LUC7L: variants seen among roughly 807,000 people sequenced by gnomAD.
LUC7L encodes the protein LUC7 like, also known as putative RNA-binding protein Luc7-like 1.
A neutral mutation model predicts 51.1 loss-of-function variants in LUC7L; 29 were observed. That is an observed-to-expected ratio of 0.57 (90% CI 0.42 to 0.77). The LOEUF is 0.77. Among genes scored for constraint, LUC7L ranks in the 30% least tolerant of loss-of-function variants. The pLI is 0.00. For missense variants in LUC7L, 403 were observed against 511.9 expected, an observed-to-expected ratio of 0.79 and a Z score of 2.05; for synonymous variants, 181 against 180.7, an observed-to-expected ratio of 1.00 and a Z score of -0.01.
At chr16:222,605 C>T (rs143622286) in intron 2 of LUC7L, among the ~76,000 whole-genome samples, 201 of 151,612 alleles carry the variant, frequency 1.3e-3, no homozygotes, top group African/African-American at 4.6e-3. Flanking sequence ...AGCCACTGCA[C>T]TCCAGTCTGA....
chr16:190,801 A>T, intron 7 of LUC7L: 1 of 529,624 alleles, frequency 1.9e-6, no homozygotes, highest in Admixed American at 3.3e-5. Context: ...AATCACTTTA[A>T]CCTAGGAGGC....
intron 3 of LUC7L, chr16:208,558 C>A: frequency 1.1e-6 from 1 of 942,808 alleles, no homozygotes; most frequent in South Asian, 3.2e-5. Flanking sequence ...GTGCTGGAGG[C>A]CCTCTTCTGG....
Position 189,354 on chromosome 16 carries a change from C to G in LUC7L, c.975-15G>C. On this transcript the variant is annotated splice_polypyrimidine_tract_variant and intron_variant, in intron 9 of 9. Transcript: ENST00000293872. ...CTCTGGAGAACCTGGGAAATGGGAA[C>G]CAGAGGCTCAGTGGAGGCTGCTGCC... 6.2e-7 allele frequency: 1 copy of G among 1,601,832 alleles called. No homozygotes were observed. Among genetic ancestry groups the G allele is most frequent in the Non-Finnish European group, 8.5e-7 (1 of 1,175,044 alleles).
chr16:197,218 T>TC (rs1201318004), intron 6 of LUC7L, among the ~76,000 whole-genome samples: 1 of 142,724 alleles, frequency 7.0e-6, no homozygotes, highest in East Asian at 2.0e-4. Flanking sequence ...TTTTTTTTTT[T>TC]TTTTTTTTTT....
intron 5 of LUC7L, among the ~76,000 whole-genome samples, chr16:204,771 A>T (rs565325218): frequency 2.0e-5 from 3 of 152,274 alleles, no homozygotes; most frequent in African/African-American, 7.2e-5. Flanking sequence ...CAAGCAACTC[A>T]ACTTTTTCTT....
Position 193,105 on chromosome 16 carries a change from G to A in LUC7L, c.688-90C>T. On this transcript the variant is annotated intron_variant, in intron 6 of 9. Transcript: ENST00000293872. ...AACAAATCACCTTTATATGAGCTCA[G>A]TATTGGTAATTTAAAAATTGAAGGG... 9 of 985,192 alleles carry A rather than the reference G, an allele frequency of 9.1e-6. No individual in the cohort carries two copies. The South Asian group carries it at 1.2e-4, about 13-fold the overall frequency. 61.0% of individuals were successfully genotyped at this position (985,192 alleles called of 1,614,324 possible). A position where few individuals can be genotyped will look rare whatever the true frequency, so the allele number is the denominator to read the frequency against.
Position 196,434 on chromosome 16 carries a change from AAC to A in LUC7L, c.687+2626_687+2627del, listed in dbSNP as rs1567174465. Among the ~76,000 whole-genome samples the A allele has an allele frequency of 6.8e-3, 1,037 of 152,074 alleles. 19 individuals are homozygous for A. Among genetic ancestry groups the A allele is most frequent in the African/African-American group, 0.023 (965 of 41,486 alleles). On this transcript the variant is annotated intron_variant, in intron 6 of 9. Transcript: ENST00000293872. Reference sequence around the variant, plus strand: ...AACAAACAAACAAACAAACAAAAAAAACCCAACAACTACAGTAGGACAAAATT... The same window carrying A: ...AACAAACAAACAAACAAACAAAAAAACCAACAACTACAGTAGGACAAAATT...
intron 6 of LUC7L, among the ~76,000 whole-genome samples, chr16:198,504 A>G (rs1192212930): frequency 6.6e-6 from 1 of 152,106 alleles, no homozygotes; most frequent in African/African-American, 2.4e-5. Context: ...TTTCAGAGAT[A>G]CACAACGAGC....
At chr16:198,232 T>C (rs1274598964) in intron 6 of LUC7L, among the ~76,000 whole-genome samples, 3 of 128,932 alleles carry the variant, frequency 2.3e-5, no homozygotes, top group African/African-American at 3.1e-5. Flanking sequence ...TAAGCCGAGA[T>C]TGGGCCACTG....
At chr16:220,917 TTTA>T (rs1446685263) in intron 2 of LUC7L, among the ~76,000 whole-genome samples, 170 bp from the exon 3 acceptor site, 2 of 152,216 alleles carry the variant, frequency 1.3e-5, no homozygotes, top group Non-Finnish European at 2.9e-5. Flanking sequence ...TCATTTCACT[TTTA>T]CCATCGTGAC....
intron 3 of LUC7L, among the ~76,000 whole-genome samples, chr16:214,540 T>C (rs1377840783): frequency 2.0e-5 from 3 of 152,180 alleles, no homozygotes; most frequent in African/African-American, 7.2e-5. Flanking sequence ...TTCATTCATT[T>C]ATCTGAGACA....
At chr16:193,954 G>A (rs550883215) in intron 6 of LUC7L, among the ~76,000 whole-genome samples, 176 of 151,786 alleles carry the variant, frequency 1.2e-3, no homozygotes, top group Non-Finnish European at 2.1e-3. Context: ...CAGGCGCCCG[G>A]CACTGCGCCC....
At chr16:228,517 T>A (rs1361131804) in intron 1 of LUC7L, 1 of 1,219,448 alleles carries the variant, frequency 8.2e-7, no homozygotes, top group African/African-American at 1.6e-5. Context: ...CTTATTCACC[T>A]ATGAAATAAA....
chr16:220,554 A>G, intron 3 of LUC7L, 95 bp downstream of exon 3: 1 of 897,250 alleles, frequency 1.1e-6, no homozygotes, highest in Non-Finnish European at 1.8e-6. Context: ...CTACCTTATT[A>G]TTTTGCTTCA....
intron 5 of LUC7L, among the ~76,000 whole-genome samples, 169 bp downstream of exon 5, chr16:205,835 C>G (rs1273076762): frequency 6.6e-6 from 1 of 152,256 alleles, no homozygotes; most frequent in South Asian, 2.1e-4. Flanking sequence ...GTGATCCGCC[C>G]GCCTCGGCCT....
Position 215,392 on chromosome 16 carries a change from G to A in LUC7L, c.255+5257C>T, listed in dbSNP as rs944108133. On this transcript the variant is annotated intron_variant, in intron 3 of 9. Transcript: ENST00000293872. Reference sequence around the variant, plus strand: ...TCCCAGCACTTTGGGAGGCCGAGGCGAATGGATCACAAGGTCAGGAGTTTG... The same window carrying A: ...TCCCAGCACTTTGGGAGGCCGAGGCAAATGGATCACAAGGTCAGGAGTTTG... Among the ~76,000 whole-genome samples, 9 of 151,998 alleles carry A rather than the reference G, an allele frequency of 5.9e-5. 1 individual carries two copies. In the South Asian group the frequency reaches 1.2e-3, roughly 21 times the overall value.
chr16:208,969 G>A (rs2049561182), intron 3 of LUC7L: 1 of 152,110 alleles, frequency 6.6e-6, no homozygotes, highest in African/African-American at 2.4e-5. Context: ...GCCAAGGTGG[G>A]CGGATCATGA....
chr16:224,789 C>T (rs559512563), intron 2 of LUC7L, among the ~76,000 whole-genome samples: 1 of 151,878 alleles, frequency 6.6e-6, no homozygotes, highest in African/African-American at 2.4e-5. Context: ...GCAGAGATAG[C>T]ACCATGCACT....
In LUC7L at chr16:228,739, T is replaced by A. The variant is rs1359809320; in HGVS notation, c.61+540A>T. ...AGCGCTGGCTACACAGAGGCTCTCC[T>A]GTGTGCTGGGGGGAAGGGGGCAGCT... is the stretch of plus-strand genomic sequence containing the variant. On this transcript the variant is annotated intron_variant, in intron 1 of 9. Transcript: ENST00000293872. 4.0e-6 allele frequency: 5 copies of A among 1,254,884 alleles called. No individual in the cohort carries two copies. In the South Asian group the frequency reaches 6.7e-5, roughly 17 times the overall value. 77.7% of individuals were successfully genotyped at this position (1,254,884 alleles called of 1,614,324 possible). A position where few individuals can be genotyped will look rare whatever the true frequency, so the allele number is the denominator to read the frequency against.
Sources: allele counts gnomAD v4.1 joint callset (sites outside exome capture counted in the v4.1 genomes callset), GRCh38; gene constraint gnomAD v4.1.1; transcripts MANE v1.5; gene names NCBI Gene and HGNC (gene_info 2026-07-23, HGNC 2026-07-21).